ACER2: variants seen among roughly 807,000 people sequenced by gnomAD.
ACER2 encodes alkCDase 2.
ACER2 carries 26 observed loss-of-function variants against 34.7 expected under a neutral mutation model. The ratio of observed to expected loss-of-function variants is 0.75; its 90% CI spans 0.55 to 1.04. ACER2 has a LOEUF of 1.04. Ranked by LOEUF, ACER2 falls within the 50% of genes least tolerant of loss-of-function variation. The probability of loss-of-function intolerance (pLI) is 0.00; values close to 1 mark genes in which losing one functional copy is unlikely to be tolerated. For missense variants in ACER2, 352 were observed against 340.8 expected (o/e 1.03, Z -0.26); for synonymous variants, 138 against 132.1 (o/e 1.04, Z -0.31).
At chr9:19,420,052 C>T (rs1265172443) in intron 1 of ACER2, among the ~76,000 whole-genome samples, 1 of 152,176 alleles carries the variant, frequency 6.6e-6, no homozygotes, top group Non-Finnish European at 1.5e-5. Flanking sequence ...CTCACTTGCC[C>T]TATGCCTCAA....
chr9:19,435,406 C>G (rs967330250), intron 4 of ACER2, among the ~76,000 whole-genome samples: 1 of 151,386 alleles, frequency 6.6e-6, no homozygotes, highest in African/African-American at 2.5e-5. Flanking sequence ...TTATCGCATT[C>G]ACACACAGAA....
intron 3 of ACER2, among the ~76,000 whole-genome samples, chr9:19,434,471 A>C (rs142158387): frequency 0.013 from 2,004 of 152,348 alleles, 32 homozygotes; most frequent in African/African-American, 0.046. Context: ...ACTGCACTCC[A>C]GCCTGGGCGC....
intron 1 of ACER2, among the ~76,000 whole-genome samples, chr9:19,412,482 A>C (rs1830113407): frequency 6.6e-6 from 1 of 151,940 alleles, no homozygotes; most frequent in African/African-American, 2.4e-5. Flanking sequence ...GTGAAACCTC[A>C]TCTCTACTAA....
rs567954416 is a variant in ACER2, at chr9:19,411,555, C to T, written c.108+2363C>T. 7.3e-5 allele frequency among the ~76,000 whole-genome samples: 11 copies of T among 150,382 alleles called. No homozygotes were observed. The East Asian group carries it at 9.7e-4, about 13-fold the overall frequency. On this transcript the variant is annotated intron_variant, in intron 1 of 5. Transcript: ENST00000340967. ...CCGGCCTTCTTCCCCTGTGTTCTTA[C>T]GTACTACTTATATTTTGATGCTTAT...
At chr9:19,434,033 G>A (rs868107159) in intron 3 of ACER2, among the ~76,000 whole-genome samples, 3,278 of 142,030 alleles carry the variant, frequency 0.023, 65 homozygotes, top group African/African-American at 0.079. Flanking sequence ...GCTGCCGGGC[G>A]GAGGGTCTCC....
At chr9:19,428,958 T>A (rs1435438264) in intron 3 of ACER2, among the ~76,000 whole-genome samples, 1 of 151,654 alleles carries the variant, frequency 6.6e-6, no homozygotes, top group African/African-American at 2.4e-5. Flanking sequence ...CCCAGCTAAT[T>A]TTTGTATTTT....
chr9:19,448,527 A>G (rs377425598), intron 5 of ACER2, among the ~76,000 whole-genome samples: 14 of 152,260 alleles, frequency 9.2e-5, no homozygotes, highest in Middle Eastern at 3.4e-3. Context: ...ACACTTTATA[A>G]TGAACATCTA....
intron 1 of ACER2, among the ~76,000 whole-genome samples, chr9:19,421,506 G>A (rs577615648): frequency 6.6e-6 from 1 of 152,226 alleles, no homozygotes; most frequent in South Asian, 2.1e-4. Context: ...GACATATATT[G>A]TATGATTCCA....
chr9:19,443,604 C>T (rs1831231553), intron 4 of ACER2, among the ~76,000 whole-genome samples: 1 of 152,228 alleles, frequency 6.6e-6, no homozygotes, highest in Non-Finnish European at 1.5e-5. Context: ...ATGGAGTATA[C>T]ATTAGTGAAT....
intron 3 of ACER2, among the ~76,000 whole-genome samples, chr9:19,425,419 C>T (rs1173492983): frequency 6.6e-6 from 1 of 152,150 alleles, no homozygotes; most frequent in Non-Finnish European, 1.5e-5. Flanking sequence ...ATTTTAATAG[C>T]CATTGTGTTA....
intron 3 of ACER2, among the ~76,000 whole-genome samples, chr9:19,434,153 G>C (rs1369449757): frequency 6.7e-6 from 1 of 148,404 alleles, no homozygotes; most frequent in Non-Finnish European, 1.5e-5. Flanking sequence ...GGGCAGAGGC[G>C]CTCCCCACAT....
chr9:19,438,306 C>G (rs1831036915), intron 4 of ACER2, among the ~76,000 whole-genome samples: 1 of 152,072 alleles, frequency 6.6e-6, no homozygotes, highest in South Asian at 2.1e-4. Context: ...GTTGCCTTTC[C>G]TTTTCCTTGC....
chr9:19,416,570 G>C (rs1358976392), intron 1 of ACER2, among the ~76,000 whole-genome samples: 1 of 151,932 alleles, frequency 6.6e-6, no homozygotes, highest in East Asian at 1.9e-4. Flanking sequence ...TTGTCGCCCA[G>C]GCTGGAGTGC....
intron 3 of ACER2, among the ~76,000 whole-genome samples, chr9:19,427,801 G>A (rs1465428282): frequency 6.6e-6 from 1 of 151,930 alleles, no homozygotes; most frequent in East Asian, 1.9e-4. Flanking sequence ...CGAGTAGCTG[G>A]GACTACAGGC....
At chr9:19,432,036 C>T (rs1044672968) in intron 3 of ACER2, among the ~76,000 whole-genome samples, 15 of 152,108 alleles carry the variant, frequency 9.9e-5, no homozygotes, top group African/African-American at 3.4e-4. Flanking sequence ...CCAGCCTTTT[C>T]GTTTTACAGA....
intron 3 of ACER2, among the ~76,000 whole-genome samples, chr9:19,426,353 TC>T: frequency 7.6e-6 from 1 of 132,098 alleles, no homozygotes; most frequent in South Asian, 2.6e-4. Context: ...TCTTTCTCCC[TC>T]TCTTTCTCTC....
intron 1 of ACER2, among the ~76,000 whole-genome samples, chr9:19,414,575 G>A (rs1179856503): frequency 1.3e-5 from 2 of 152,108 alleles, no homozygotes; most frequent in African/African-American, 4.8e-5. Context: ...TTGAGCCCAG[G>A]CTGAGGCTGG....
intron 3 of ACER2, among the ~76,000 whole-genome samples, chr9:19,429,815 A>C (rs142266625): frequency 9.3e-4 from 142 of 152,284 alleles, no homozygotes; most frequent in African/African-American, 3.2e-3. Flanking sequence ...TTAGTGCTTT[A>C]GTTATAAAAT....
At position 19,423,779 on chromosome 9, in the gene ACER2, AG is replaced by A. The variant is rs1404835945; in HGVS notation, c.109-81del. On this transcript the variant is annotated intron_variant, in intron 1 of 5. Transcript: ENST00000340967. ...GTGACCACATTTATCCCAGTTTGCA[AG>A]GACATACTTGGAAGAGGCCACTTTA... 5 of 987,998 alleles carry A rather than the reference AG, an allele frequency of 5.1e-6. No individual in the cohort carries two copies. In the East Asian group the frequency reaches 1.2e-4, roughly 24 times the overall value. The allele number at this position is 987,998 out of a possible 1,614,324, so 61.2% of individuals were successfully genotyped here.
Sources: allele counts gnomAD v4.1 joint callset (sites outside exome capture counted in the v4.1 genomes callset), GRCh38; gene constraint gnomAD v4.1.1; transcripts MANE v1.5; gene names NCBI Gene and HGNC (gene_info 2026-07-23, HGNC 2026-07-21).